The following DRC8 variants were observed in gnomAD, a reference collection of about 807,000 sequenced individuals.
DRC8 encodes the protein dynein regulatory complex protein 8.
chr1:245,045,526 T>C, the DRC8 span, among the ~76,000 whole-genome samples: 1 of 152,192 alleles, frequency 6.6e-6, no homozygotes, highest in Non-Finnish European at 1.5e-5. Context: ...AAATACCCGC[T>C]AGCAGTTTTC....
At chr1:245,043,732 G>A in the DRC8 span, among the ~76,000 whole-genome samples, 5 of 152,336 alleles carry the variant, frequency 3.3e-5, no homozygotes, top group East Asian at 9.6e-4. Context: ...GACGGCCCCA[G>A]GAAGGCCTCT....
At chr1:245,084,838 C>T in the DRC8 span, among the ~76,000 whole-genome samples, 14 of 152,276 alleles carry the variant, frequency 9.2e-5, no homozygotes, top group Admixed American at 1.3e-4. Flanking sequence ...CACCTTAAGG[C>T]GGAATACAGA....
At chr1:245,043,694 C>T in the DRC8 span, among the ~76,000 whole-genome samples, 5,278 of 152,168 alleles carry the variant, frequency 0.035, 327 homozygotes, top group African/African-American at 0.12. Context: ...TGGCCACTCT[C>T]GCTGTTGAGG....
At chr1:245,072,640 G>A in the DRC8 span, among the ~76,000 whole-genome samples, 1 of 152,180 alleles carries the variant, frequency 6.6e-6, no homozygotes, top group Admixed American at 6.6e-5. Flanking sequence ...AACACCAAAA[G>A]CGATATAGTT....
chr1:245,010,601 A>G, the DRC8 span, among the ~76,000 whole-genome samples: 30,060 of 151,710 alleles, frequency 0.2, 3,099 homozygotes, highest in South Asian at 0.25. Flanking sequence ...CCACACTGAG[A>G]GATGAGAGAT....
chr1:245,080,018 A>C, the DRC8 span, among the ~76,000 whole-genome samples: 1,757 of 152,084 alleles, frequency 0.012, 42 homozygotes, highest in African/African-American at 0.039. Flanking sequence ...AATGCGCTGA[A>C]TTTTCTGCCG....
the DRC8 span, among the ~76,000 whole-genome samples, chr1:245,022,635 A>C: frequency 6.6e-6 from 1 of 152,308 alleles, no homozygotes; most frequent in South Asian, 2.1e-4. Flanking sequence ...CCCTTTCTAA[A>C]GGCAAAGTTT....
At chr1:245,095,151 G>A in the DRC8 span, among the ~76,000 whole-genome samples, 6 of 152,326 alleles carry the variant, frequency 3.9e-5, no homozygotes, top group African/African-American at 4.8e-5. Flanking sequence ...GTGCAGGGCC[G>A]CTGCTGCAGG....
chr1:245,007,209 A>G, the DRC8 span, among the ~76,000 whole-genome samples: 1 of 152,136 alleles, frequency 6.6e-6, no homozygotes, highest in East Asian at 1.9e-4. Flanking sequence ...GTATGATGCT[A>G]TAAAGCCTGG....
chr1:244,988,620 T>C, the DRC8 span, among the ~76,000 whole-genome samples: 8 of 152,222 alleles, frequency 5.3e-5, no homozygotes, highest in Non-Finnish European at 1.0e-4. Flanking sequence ...TCATGAAAAG[T>C]AATGCTAATA....
At chr1:245,082,500 G>C in the DRC8 span, among the ~76,000 whole-genome samples, 1 of 152,276 alleles carries the variant, frequency 6.6e-6, no homozygotes, top group South Asian at 2.1e-4. Flanking sequence ...GCTTACCATA[G>C]TTGGTTCATC....
chr1:245,113,510 G>A, the DRC8 span, among the ~76,000 whole-genome samples: 1 of 152,148 alleles, frequency 6.6e-6, no homozygotes, highest in Non-Finnish European at 1.5e-5. Flanking sequence ...TGAAGACGTG[G>A]TTATTGTCTG....
the DRC8 span, among the ~76,000 whole-genome samples, chr1:245,009,165 A>T: frequency 2.2e-4 from 32 of 147,930 alleles, no homozygotes; most frequent in African/African-American, 7.2e-4. Context: ...CCTCCTGAGT[A>T]GCTGGGATTA....
the DRC8 span, among the ~76,000 whole-genome samples, chr1:245,024,824 G>A: frequency 5.3e-5 from 8 of 152,188 alleles, no homozygotes; most frequent in Admixed American, 2.0e-4. Flanking sequence ...GATTACAGAC[G>A]TGAGCCACCA....
At chr1:245,117,329 C>T in the DRC8 span, among the ~76,000 whole-genome samples, 1 of 152,038 alleles carries the variant, frequency 6.6e-6, no homozygotes, top group Non-Finnish European at 1.5e-5. Context: ...GCTAGGATTA[C>T]AGGCATGAGC....
At chr1:244,999,038 C>T in the DRC8 span, among the ~76,000 whole-genome samples, 5 of 86,578 alleles carry the variant, frequency 5.8e-5, no homozygotes, top group Admixed American at 1.6e-4. Context: ...CAAAAGACAA[C>T]GAATGTTTGG....
chr1:245,082,084 T>C, the DRC8 span: 63 of 1,606,744 alleles, frequency 3.9e-5, 1 homozygote, highest in South Asian at 6.8e-4. Flanking sequence ...AATGTTTAGG[T>C]AGAGGAAGAA....
the DRC8 span, among the ~76,000 whole-genome samples, chr1:245,084,184 T>A: frequency 6.8e-6 from 1 of 147,038 alleles, no homozygotes; most frequent in Non-Finnish European, 1.5e-5. Context: ...TGGGTTCAAG[T>A]GATTCTCCTG....
the DRC8 span, among the ~76,000 whole-genome samples, chr1:245,067,666 A>G: frequency 6.6e-6 from 1 of 151,886 alleles, no homozygotes; most frequent in Admixed American, 6.6e-5. Flanking sequence ...TTGAGTTAGT[A>G]GAACAAGATC....
Sources: gnomAD v4.1 joint callset for allele counts (sites outside exome capture counted in the v4.1 genomes callset) on GRCh38, gnomAD v4.1.1 for gene constraint, MANE v1.5 for transcripts, NCBI Gene and HGNC (gene_info 2026-07-23, HGNC 2026-07-21) for gene names.